PROC: variants seen among roughly 807,000 people sequenced by gnomAD.
PROC encodes the protein protein C, inactivator of coagulation factors Va and VIIIa.
PROC carries 22 observed loss-of-function variants against 36.3 expected under a neutral mutation model. That is an observed-to-expected ratio of 0.61 (90% confidence interval 0.43 to 0.86). The LOEUF (loss-of-function observed/expected upper bound fraction) is 0.86. Among genes scored for constraint, PROC ranks in the 40% least tolerant of loss-of-function variants. The probability of loss-of-function intolerance (pLI) is 0.00; values close to 1 mark genes in which losing one functional copy is unlikely to be tolerated. For synonymous variants in PROC, 218 were observed against 244.5 expected, an observed-to-expected ratio of 0.89 and a Z score of 1.01; for missense variants, 526 against 629.7, an observed-to-expected ratio of 0.84 and a Z score of 1.76.
intron 2 of PROC, among the ~76,000 whole-genome samples, chr2:127,420,378 T>C (rs1480437494): frequency 6.6e-6 from 1 of 152,102 alleles, no homozygotes; most frequent in Non-Finnish European, 1.5e-5. Flanking sequence ...CCTCCCCTAC[T>C]CAAATGCACA....
intron 2 of PROC, 25 bp from the exon 3 acceptor site, chr2:127,421,258 G>A (rs1486646024): frequency 1.2e-6 from 2 of 1,612,898 alleles, no homozygotes; most frequent in East Asian, 2.2e-5. Flanking sequence ...CCACCAAGGT[G>A]AGCTCCCCCT....
intron 1 of PROC, chr2:127,419,591 C>T: frequency 2.5e-6 from 1 of 401,036 alleles, no homozygotes. Flanking sequence ...CCATGAGTGT[C>T]CAATCAACGT....
intron 2 of PROC, 104 bp downstream of exon 2, chr2:127,420,116 G>C (rs557450277): frequency 1.8e-5 from 23 of 1,311,958 alleles, no homozygotes; most frequent in African/African-American, 2.9e-5. Context: ...CTGAGCCCTG[G>C]GTGAGGTGAG....
rs1353816203 is a variant in PROC at position 127,427,184 on chromosome 2, A to C, written c.758A>C (p.His253Pro). ...CCCTCCTGGGTGCTGACAGCGGCCC[A>C]CTGCATGGATGAGTCCAAGAAGCTC... ...IHPSWVLTAA[H>P]CMDESKKLLV... Residue 253 changes from histidine to proline, a missense_variant, in exon 8 of 9, where the codon CAC (histidine) becomes CCC (proline). Coordinates refer to ENST00000234071, the MANE Select transcript of PROC (RefSeq NM_000312.4). 6.2e-7 allele frequency: 1 copy of C among 1,613,518 alleles called. No homozygotes were observed. The highest frequency in any genetic ancestry group is 8.5e-7 in the Non-Finnish European group (1 of 1,179,968).
chr2:127,426,999 C>A lies in PROC; in HGVS notation c.679-106C>A. The A allele has an allele frequency of 1.0e-6, 1 of 955,656 alleles. No homozygotes were observed. The highest frequency in any genetic ancestry group is 1.7e-6 in the Non-Finnish European group (1 of 583,508). The allele number at this position is 955,656 out of a possible 1,614,324, so 59.2% of individuals were successfully genotyped here. On this transcript the variant is annotated intron_variant, in intron 7 of 8. Transcript: ENST00000234071. This position sits in a 1 kb window ranked among gnomAD's most constrained non-coding sequence, Gnocchi z 7.0. Reference sequence around the variant, plus strand: ...ACGCCAGAAAGGGCCTAAGCCTATGCCCATATGACCAGGGAACCCAGGAAA... The same window carrying A: ...ACGCCAGAAAGGGCCTAAGCCTATGACCATATGACCAGGGAACCCAGGAAA...
chr2:127,427,255 C>T (rs1688568150), intron 8 of PROC, 33 bp downstream of exon 8: 5 of 1,588,460 alleles, frequency 3.1e-6, no homozygotes, highest in Non-Finnish European at 4.3e-6. Context: ...AGGGGGCTGC[C>T]AGAGGCCTGG....
intron 6 of PROC, among the ~76,000 whole-genome samples, chr2:127,425,834 A>T (rs1688459135): frequency 6.6e-6 from 1 of 152,206 alleles, no homozygotes; most frequent in Admixed American, 6.5e-5. Flanking sequence ...ATGTAAGGAC[A>T]CACAGCCAGT....
At chr2:127,425,851 T>G (rs778871381) in intron 6 of PROC, among the ~76,000 whole-genome samples, 5 of 152,192 alleles carry the variant, frequency 3.3e-5, no homozygotes, top group Non-Finnish European at 5.9e-5. Context: ...CAGTGGGTGA[T>G]GCTGCCTGGT....
chr2:127,423,126 A>G lies in PROC; in HGVS notation c.355A>G (p.Ser119Gly). ...GTGCATCGACGGCATCGGCAGCTTC[A>G]GCTGCGACTGCCGCAGCGGCTGGGA... is the stretch of plus-strand genomic sequence containing the variant. Reference protein sequence around the residue: ...GTCIDGIGSFSCDCRSGWEGR... With the variant: ...GTCIDGIGSFGCDCRSGWEGR... The change falls in exon 5 of 9, where the codon AGC becomes GGC. Residue 119 changes from serine to glycine, a missense_variant. By Grantham distance (56) the Ser-to-Gly change is moderately conservative (BLOSUM62 0). Coordinates refer to ENST00000234071, the MANE Select transcript of PROC (RefSeq NM_000312.4). The G allele has an allele frequency of 6.2e-7, 1 of 1,605,926 alleles. No homozygotes were observed. Among genetic ancestry groups the G allele is most frequent in the Admixed American group, 1.7e-5 (1 of 59,778 alleles).
At chr2:127,423,549 G>C in intron 6 of PROC, 141 bp downstream of exon 6, 4 of 1,164,558 alleles carry the variant, frequency 3.4e-6, no homozygotes, top group Non-Finnish European at 3.5e-6. Flanking sequence ...GGCAGCGGCA[G>C]ACGCGCCCCA....
In PROC at chr2:127,426,998, G is replaced by C. The variant is rs758273200; in HGVS notation, c.679-107G>C. On this transcript the variant is annotated intron_variant, in intron 7 of 8. Transcript: ENST00000234071. This position sits in a 1 kb window ranked among gnomAD's most constrained non-coding sequence, Gnocchi z 7.0. ...AACGCCAGAAAGGGCCTAAGCCTAT[G>C]CCCATATGACCAGGGAACCCAGGAA... 5.0e-5 allele frequency: 47 copies of C among 945,572 alleles called. 1 individual carries two copies. Among genetic ancestry groups the C allele is most frequent in the Non-Finnish European group, 7.7e-5 (44 of 574,418 alleles). The allele number at this position is 945,572 out of a possible 1,614,324, so 58.6% of individuals were successfully genotyped here.
chr2:127,428,169 G>C (rs898039857), intron 8 of PROC, among the ~76,000 whole-genome samples, 188 bp from the exon 9 acceptor site: 1 of 152,240 alleles, frequency 6.6e-6, no homozygotes, highest in East Asian at 1.9e-4. Context: ...ACCGTTGATA[G>C]GGTTCCACGG....
Position 127,426,207 on chromosome 2 carries a change from C to A in PROC, c.658C>A (p.Arg220=), listed in dbSNP as rs121918152. 6.2e-7 allele frequency: 1 copy of A among 1,613,846 alleles called. No individual in the cohort carries two copies. The highest frequency in any genetic ancestry group is 2.2e-5 in the East Asian group (1 of 44,894). ...GCTCATTGATGGGAAGATGACCAGGCGGGGAGACAGCCCCTGGCAGGTGGG... is the reference window on the plus strand; with the variant it reads ...GCTCATTGATGGGAAGATGACCAGGAGGGGAGACAGCCCCTGGCAGGTGGG... ...PRLIDGKMTR[R]GDSPWQVVLL... The change falls in exon 7 of 9, where the codon CGG becomes AGG. Residue 220 remains arginine (R), a synonymous_variant. Coordinates refer to ENST00000234071, the MANE Select transcript of PROC (RefSeq NM_000312.4). This position sits in a 1 kb window ranked among gnomAD's most constrained non-coding sequence, Gnocchi z 7.0.
Position 127,426,628 on chromosome 2 carries a change from G to A in PROC, c.678+401G>A, listed in dbSNP as rs1197204185. 1.2e-5 allele frequency: 4 copies of A among 342,656 alleles called. No homozygotes were observed. In the East Asian group the frequency reaches 2.2e-4, roughly 19 times the overall value. 21.2% of individuals were successfully genotyped at this position (342,656 alleles called of 1,614,324 possible). A position where few individuals can be genotyped will look rare whatever the true frequency, so the allele number is the denominator to read the frequency against. ...GGGTTCCCCTCTCTGCCAGGCATGGGGGAGATAGGAACCAACAAGTGGGAG... is the reference window on the plus strand; with the variant it reads ...GGGTTCCCCTCTCTGCCAGGCATGGAGGAGATAGGAACCAACAAGTGGGAG... On this transcript the variant is annotated intron_variant, in intron 7 of 8. Coordinates refer to ENST00000234071, the MANE Select transcript of PROC (RefSeq NM_000312.4). This position sits in a 1 kb window ranked among gnomAD's most constrained non-coding sequence, Gnocchi z 7.0.
intron 1 of PROC, chr2:127,419,663 G>A: frequency 1.5e-6 from 1 of 686,140 alleles, no homozygotes; most frequent in Non-Finnish European, 2.3e-6. Context: ...TGTCCCCAGG[G>A]AGGACACAAA....
Position 127,428,842 on chromosome 2 carries a change from C to T in PROC, c.1282C>T (p.Leu428Phe). Residue 428 changes from leucine (L) to phenylalanine (F), a missense_variant, in exon 9 of 9, where the codon CTC (leucine) becomes TTC (phenylalanine). Leu to Phe is a conservative substitution (Grantham distance 22, BLOSUM62 0). Coordinates refer to ENST00000234071, the MANE Select transcript of PROC (RefSeq NM_000312.4). ...GLVSWGEGCG[L>F]LHNYGVYTKV... is the part of the protein sequence containing the mutation. ...GGTGAGCTGGGGTGAGGGCTGTGGGCTCCTTCACAACTACGGCGTTTACAC... is the reference window on the plus strand; with the variant it reads ...GGTGAGCTGGGGTGAGGGCTGTGGGTTCCTTCACAACTACGGCGTTTACAC... The T allele has an allele frequency of 6.2e-7, 1 of 1,612,730 alleles. No homozygotes were observed. The highest frequency in any genetic ancestry group is 8.5e-7 in the Non-Finnish European group (1 of 1,179,234).
Position 127,426,335 on chromosome 2 carries a change from T to A in PROC, c.678+108T>A. ...GAAACCGAGAGGGAAGCGCTGCCAT[T>A]GCGTTTGGGGGATGATGAAGGTGGG... is the stretch of plus-strand genomic sequence containing the variant. On this transcript the variant is annotated intron_variant, in intron 7 of 8. Transcript: ENST00000234071. This position sits in a 1 kb window ranked among gnomAD's most constrained non-coding sequence, Gnocchi z 7.0. 6.7e-7 allele frequency: 1 copy of A among 1,485,118 alleles called. No individual in the cohort carries two copies. The allele number at this position is 1,485,118 out of a possible 1,614,324, so 92.0% of individuals were successfully genotyped here. A position where few individuals can be genotyped will look rare whatever the true frequency, so the allele number is the denominator to read the frequency against.
intron 6 of PROC, 105 bp downstream of exon 6, chr2:127,423,513 G>A: frequency 1.4e-6 from 2 of 1,433,996 alleles, no homozygotes; most frequent in Non-Finnish European, 1.9e-6. Flanking sequence ...TCTAGGGAGG[G>A]AGCGAGGAAC....
At position 127,418,562 on chromosome 2, in the gene PROC, G is replaced by T; in HGVS notation, c.-22+70G>T. The T allele has an allele frequency of 1.6e-6, 2 of 1,242,612 alleles. No individual in the cohort carries two copies. Among genetic ancestry groups the T allele is most frequent in the Non-Finnish European group, 2.1e-6 (2 of 946,236 alleles). The allele number at this position is 1,242,612 out of a possible 1,614,324, so 77.0% of individuals were successfully genotyped here. ...GCTGCCCCCGGGAGAAGAGAGCTAG[G>T]TGGTGATGAGGGCTGAATCCTCCAG... On this transcript the variant is annotated intron_variant, in intron 1 of 8. Transcript: ENST00000234071. The surrounding 1 kb of genome is among the most constrained non-coding windows in gnomAD (Gnocchi z 4.8).
Sources: allele counts gnomAD v4.1 joint callset (sites outside exome capture counted in the v4.1 genomes callset), GRCh38; gene constraint gnomAD v4.1.1; non-coding constraint Gnocchi (gnomAD v3.1); transcripts MANE v1.5; gene names NCBI Gene and HGNC (gene_info 2026-07-23, HGNC 2026-07-21).